Variants in STIM2 observed in about 807,000 individuals in gnomAD.
STIM2 encodes the protein stromal interaction molecule 2.
Under a neutral mutation model 85.8 loss-of-function variants are expected in STIM2, and 31 were observed. The ratio of observed to expected loss-of-function variants is 0.36; its 90% CI spans 0.27 to 0.49. STIM2 has a LOEUF of 0.49. STIM2 is among the 20% of genes least tolerant of loss of function. STIM2 has a pLI of 0.98. For missense variants in STIM2, 841 were observed against 927.6 expected, an observed-to-expected ratio of 0.91 and a Z score of 1.21; for synonymous variants, 356 against 331.1, an observed-to-expected ratio of 1.08 and a Z score of -0.82.
At position 27,022,641 on chromosome 4, in the gene STIM2, AG is replaced by A. The variant is rs1728951347; in HGVS notation, c.1888del (p.Val630CysfsTer3). 6.2e-7 allele frequency: 1 copy of A among 1,614,212 alleles called. No individual in the cohort carries two copies. Among genetic ancestry groups the A allele is most frequent in the Non-Finnish European group, 8.5e-7 (1 of 1,180,012 alleles). On this transcript the variant is annotated frameshift_variant, in exon 12 of 12. Transcript: ENST00000467087. LOFTEE classifies it high-confidence loss of function. Reference sequence around the variant, plus strand: ...TCTCCGCGAAAGATATCAAGAGATGAGGTGTCCCTAGAGGATTCCTCCCGAG... The same window carrying A: ...TCTCCGCGAAAGATATCAAGAGATGAGTGTCCCTAGAGGATTCCTCCCGAG...
chr4:26,946,591 T>C (rs1174969641), intron 2 of STIM2, among the ~76,000 whole-genome samples: 1 of 152,266 alleles, frequency 6.6e-6, no homozygotes, highest in Non-Finnish European at 1.5e-5. Flanking sequence ...CACACATGTA[T>C]GTCCACATGC....
At chr4:26,967,281 A>T (rs1298424524) in intron 3 of STIM2, among the ~76,000 whole-genome samples, 1 of 152,242 alleles carries the variant, frequency 6.6e-6, no homozygotes, top group African/African-American at 2.4e-5. Context: ...TGATTCACTC[A>T]TGTAAAGGTA....
chr4:26,917,025 G>T (rs570045950), intron 1 of STIM2, among the ~76,000 whole-genome samples: 2 of 152,252 alleles, frequency 1.3e-5, no homozygotes, highest in South Asian at 2.1e-4. Context: ...TGAAGTAACA[G>T]AATTTATCAG....
At chr4:26,881,104 A>G (rs1301124223) in intron 1 of STIM2, among the ~76,000 whole-genome samples, 1 of 152,152 alleles carries the variant, frequency 6.6e-6, no homozygotes, top group East Asian at 1.9e-4. Flanking sequence ...TAAGAGTTAT[A>G]GCGTTTGGGA....
chr4:26,953,784 C>T (rs765291243), intron 2 of STIM2, among the ~76,000 whole-genome samples: 4 of 152,028 alleles, frequency 2.6e-5, no homozygotes, highest in Admixed American at 6.6e-5. Flanking sequence ...GCCTTACCAC[C>T]TAGACTGTCT....
At chr4:26,970,743 T>C (rs1726915345) in intron 3 of STIM2, among the ~76,000 whole-genome samples, 3 of 152,216 alleles carry the variant, frequency 2.0e-5, no homozygotes, top group Admixed American at 1.3e-4. Flanking sequence ...TTTATAATCC[T>C]TTGGGTATAT....
rs1035681362 is a variant in STIM2 at position 26,927,781 on chromosome 4, A to T, written c.282+8147A>T. Among the ~76,000 whole-genome samples the T allele has an allele frequency of 1.4e-4, 20 of 145,500 alleles. No homozygotes were observed. In the East Asian group the frequency reaches 2.7e-3, roughly 20 times the overall value. The stretch of plus-strand genomic sequence containing the variant: ...TAAAAAAAAAAATATTATTAATATA[A>T]TAAAATATATAAATATAATGTAATT... On this transcript the variant is annotated intron_variant, in intron 2 of 11. Transcript: ENST00000467087.
At chr4:26,905,265 G>A (rs1312506071) in intron 1 of STIM2, among the ~76,000 whole-genome samples, 6 of 152,140 alleles carry the variant, frequency 3.9e-5, no homozygotes, top group Non-Finnish European at 8.8e-5. Flanking sequence ...AAAAGTAGTT[G>A]ACGAATTAGA....
chr4:26,912,264 T>C (rs1346930430), intron 1 of STIM2, among the ~76,000 whole-genome samples: 1 of 152,218 alleles, frequency 6.6e-6, no homozygotes, highest in Non-Finnish European at 1.5e-5. Flanking sequence ...CATATGCTGT[T>C]AAACACTGTT....
chr4:26,967,450 C>T (rs1726765378), intron 3 of STIM2, among the ~76,000 whole-genome samples: 1 of 152,128 alleles, frequency 6.6e-6, no homozygotes, highest in Admixed American at 6.5e-5. Context: ...GGCACAGTGT[C>T]ATGAGCATCT....
chr4:26,885,821 TTATATATATATA>T lies in STIM2; in HGVS notation c.151+24494_151+24505del, dbSNP rs56851120. On this transcript the variant is annotated intron_variant, in intron 1 of 11. Transcript: ENST00000467087. ...ATGAAGCCAAATTTAGCACCTCAGG[TTATATATATATA>T]TATATATATATATATATATATATAT... Among the ~76,000 whole-genome samples, 225 of 84,604 alleles carry T rather than the reference TTATATATATATA, an allele frequency of 2.7e-3. 1 individual carries two copies. The highest frequency in any genetic ancestry group is 4.6e-3 in the South Asian group (10 of 2,170). The allele number at this position is 84,604 out of a possible 152,430, so 55.5% of individuals were successfully genotyped here.
At chr4:27,020,782 T>C (rs1728883039) in intron 11 of STIM2, among the ~76,000 whole-genome samples, 1 of 152,210 alleles carries the variant, frequency 6.6e-6, no homozygotes, top group African/African-American at 2.4e-5. Context: ...ATGAATTTAG[T>C]CCTTGCTATG....
chr4:26,878,806 C>T (rs953333935), intron 1 of STIM2, among the ~76,000 whole-genome samples: 6 of 152,118 alleles, frequency 3.9e-5, no homozygotes, highest in African/African-American at 1.4e-4. Context: ...AAGCAAGGCA[C>T]ATCTTACATG....
chr4:26,882,333 AT>A (rs890789194), intron 1 of STIM2, among the ~76,000 whole-genome samples: 14 of 151,930 alleles, frequency 9.2e-5, no homozygotes, highest in Non-Finnish European at 1.3e-4. Flanking sequence ...GTTGTTGCTA[AT>A]TTTTTTTCCC....
chr4:26,882,515 T>TG (rs1424836816), intron 1 of STIM2, among the ~76,000 whole-genome samples: 7 of 152,152 alleles, frequency 4.6e-5, no homozygotes, highest in African/African-American at 1.7e-4. Flanking sequence ...TGGAGTGCAG[T>TG]GGTGCCATTG....
intron 10 of STIM2, among the ~76,000 whole-genome samples, chr4:27,012,905 A>T (rs1728606411): frequency 2.0e-5 from 3 of 152,044 alleles, no homozygotes. Flanking sequence ...TTTCTGCGTA[A>T]TTTGAAGTGA....
chr4:26,932,554 T>C (rs538282524), intron 2 of STIM2, among the ~76,000 whole-genome samples: 1 of 152,358 alleles, frequency 6.6e-6, no homozygotes, highest in African/African-American at 2.4e-5. Flanking sequence ...TTGTTTTGCA[T>C]TTATTAAATT....
At chr4:26,955,177 G>A (rs1726201346) in intron 2 of STIM2, among the ~76,000 whole-genome samples, 2 of 146,994 alleles carry the variant, frequency 1.4e-5, no homozygotes, top group African/African-American at 5.2e-5. Flanking sequence ...ATTTTGTTAA[G>A]TATGTTTGGC....
intron 7 of STIM2, among the ~76,000 whole-genome samples, chr4:27,004,413 G>GGGTA (rs1235720201): frequency 2.0e-5 from 3 of 152,140 alleles, no homozygotes; most frequent in Non-Finnish European, 4.4e-5. Context: ...TGGGTACTAT[G>GGGTA]CCCTTTGCAC....
Sources: gnomAD v4.1 joint callset for allele counts (sites outside exome capture counted in the v4.1 genomes callset) on GRCh38, gnomAD v4.1.1 for gene constraint, MANE v1.5 for transcripts, NCBI Gene and HGNC (gene_info 2026-07-23, HGNC 2026-07-21) for gene names.